The following MAST4 variants were observed in gnomAD, a reference collection of about 807,000 sequenced individuals.
MAST4 encodes microtubule-associated serine/threonine-protein kinase 4.
A neutral mutation model predicts 162.7 loss-of-function variants in MAST4; 89 were observed. That is an observed-to-expected ratio of 0.55 (90% CI 0.46 to 0.65). MAST4 has a LOEUF of 0.65. Among genes scored for constraint, MAST4 ranks in the 30% least tolerant of loss-of-function variants. The pLI, the probability that MAST4 is intolerant of heterozygous loss-of-function variation, is 0.00. For synonymous variants in MAST4, 1,479 were observed against 1,361.1 expected, an observed-to-expected ratio of 1.09 and a Z score of -1.91; for missense variants, 3,153 against 3,374.0, an observed-to-expected ratio of 0.93 and a Z score of 1.62.
intron 1 of MAST4, among the ~76,000 whole-genome samples, chr5:66,616,317 A>C (rs1340442664): frequency 1.3e-5 from 2 of 152,014 alleles, no homozygotes; most frequent in Non-Finnish European, 2.9e-5. Flanking sequence ...AGCAGTTCAG[A>C]GTTGGATTCA....
chr5:66,880,811 TA>T (rs916265511), intron 3 of MAST4, among the ~76,000 whole-genome samples: 2 of 152,154 alleles, frequency 1.3e-5, no homozygotes, highest in Non-Finnish European at 2.9e-5. Context: ...ATACCAAAGG[TA>T]AAAAATATCT....
chr5:67,082,228 A>G (rs1322648929), intron 5 of MAST4, among the ~76,000 whole-genome samples: 1 of 146,808 alleles, frequency 6.8e-6, no homozygotes, highest in African/African-American at 2.5e-5. Context: ...AGCTCACTGC[A>G]ACTTCTGCCC....
chr5:66,922,287 T>C (rs1175557697), intron 4 of MAST4, among the ~76,000 whole-genome samples: 3 of 152,314 alleles, frequency 2.0e-5, no homozygotes, highest in South Asian at 2.1e-4. Flanking sequence ...TTGAGACTGC[T>C]CCATTTATTG....
chr5:66,720,434 A>G (rs558889727), intron 1 of MAST4, among the ~76,000 whole-genome samples: 6 of 152,270 alleles, frequency 3.9e-5, no homozygotes, highest in African/African-American at 1.4e-4. Context: ...TACTTTGTGA[A>G]TCAAATTTTG....
intron 1 of MAST4, among the ~76,000 whole-genome samples, chr5:66,748,040 G>A (rs1213819012): frequency 6.6e-6 from 1 of 152,122 alleles, no homozygotes; most frequent in African/African-American, 2.4e-5. Context: ...GATAGGGTGT[G>A]GGCTTTGCCA....
chr5:66,797,066 T>A (rs1182447843), intron 3 of MAST4, among the ~76,000 whole-genome samples: 2 of 152,244 alleles, frequency 1.3e-5, no homozygotes, highest in African/African-American at 2.4e-5. Flanking sequence ...CGGCCACTGT[T>A]ATGGAAATGC....
chr5:67,107,661 C>T lies in MAST4; in HGVS notation c.1357-2437C>T, dbSNP rs531029117. Reference sequence around the variant, plus strand: ...ACTGTGACATTCTGTGCTCTGTAGGCCTATCTCCTAACCATTTTTCCCATT... The same window carrying T: ...ACTGTGACATTCTGTGCTCTGTAGGTCTATCTCCTAACCATTTTTCCCATT... On this transcript the variant is annotated intron_variant, in intron 10 of 28. Transcript: ENST00000403625. 3.3e-5 allele frequency among the ~76,000 whole-genome samples: 5 copies of T among 152,306 alleles called. No homozygotes were observed. In the South Asian group the frequency reaches 1.0e-3, roughly 32 times the overall value.
At chr5:66,610,052 CAAAG>C (rs1743191410) in intron 1 of MAST4, among the ~76,000 whole-genome samples, 2 of 151,794 alleles carry the variant, frequency 1.3e-5, no homozygotes, top group African/African-American at 2.4e-5. Flanking sequence ...CAGTTTTTGC[CAAAG>C]GGCAAAAACT....
At chr5:66,788,607 C>CCCACCAAAAACAAA in intron 2 of MAST4, 63 bp from the exon 3 acceptor site, 1 of 1,373,728 alleles carries the variant, frequency 7.3e-7, no homozygotes. Flanking sequence ...CCCCCACCCC[C>CCCACCAAAAACAAA]ATTGCAATAA....
intron 1 of MAST4, among the ~76,000 whole-genome samples, chr5:66,689,743 G>T (rs1364650869): frequency 2.6e-5 from 4 of 152,102 alleles, no homozygotes; most frequent in Admixed American, 1.3e-4. Flanking sequence ...CAGCATTTCT[G>T]ATTAAACCAT....
At chr5:66,694,881 C>T (rs1435160438) in intron 1 of MAST4, among the ~76,000 whole-genome samples, 3 of 151,738 alleles carry the variant, frequency 2.0e-5, no homozygotes, top group Non-Finnish European at 4.4e-5. Context: ...CCTTTTTTTT[C>T]TTGTAAATTT....
intron 1 of MAST4, among the ~76,000 whole-genome samples, chr5:66,607,680 A>G (rs965642225): frequency 1.3e-5 from 2 of 152,192 alleles, no homozygotes; most frequent in African/African-American, 4.8e-5. Context: ...GGGGAATCTG[A>G]ACTCCTGCCT....
At chr5:66,768,403 A>AT (rs1754204528) in intron 2 of MAST4, among the ~76,000 whole-genome samples, 1 of 152,198 alleles carries the variant, frequency 6.6e-6, no homozygotes, top group Non-Finnish European at 1.5e-5. Context: ...GAGAAAACAG[A>AT]TGCCAAAGCA....
rs1165601448 is a variant in MAST4 at position 67,110,191 on chromosome 5, G to C, written c.1450G>C (p.Glu484Gln). ...TATTGCCCGCCCTGCTCGGTTATTA[G>C]AGTGCCTGGTAAGTTGCCCCTTGAT... is the stretch of plus-strand genomic sequence containing the variant. The part of the protein sequence containing the change: ...IVIARPARLL[E>Q]CLEFDPEEFY... Residue 484 changes from glutamate (E) to glutamine (Q), a missense_variant, in exon 11 of 29, where the codon GAG (glutamate) becomes CAG (glutamine). By Grantham distance (29) the Glu-to-Gln change is conservative. This residue lies in a region of MAST4 where 360 missense variants were observed against 450.0 expected (regional missense o/e 0.80). Coordinates refer to ENST00000403625, the MANE Select transcript of MAST4 (RefSeq NM_001164664.2). 6.2e-7 allele frequency: 1 copy of C among 1,612,420 alleles called. No homozygotes were observed. Among genetic ancestry groups the C allele is most frequent in the East Asian group, 2.2e-5 (1 of 44,846 alleles).
intron 1 of MAST4, among the ~76,000 whole-genome samples, chr5:66,726,796 G>A (rs62360035): frequency 0.042 from 6,414 of 152,124 alleles, 164 homozygotes; most frequent in Middle Eastern, 0.075. Context: ...TATGAACTGC[G>A]CATACGAGGG....
At chr5:66,752,944 AAACT>A (rs1189935643) in intron 1 of MAST4, among the ~76,000 whole-genome samples, 1 of 151,690 alleles carries the variant, frequency 6.6e-6, no homozygotes, top group Non-Finnish European at 1.5e-5. Context: ...AAATTATAAC[AAACT>A]ATCTCTCAGA....
chr5:66,616,205 C>T (rs979069438), intron 1 of MAST4, among the ~76,000 whole-genome samples: 1 of 152,090 alleles, frequency 6.6e-6, no homozygotes, highest in Non-Finnish European at 1.5e-5. Flanking sequence ...GAAAGAGGTC[C>T]GTCACTTTAT....
intron 4 of MAST4, among the ~76,000 whole-genome samples, chr5:67,018,878 C>T (rs970471049): frequency 1.3e-5 from 2 of 152,034 alleles, no homozygotes; most frequent in Non-Finnish European, 2.9e-5. Flanking sequence ...ATAACATTTA[C>T]ACTAAATTTT....
intron 4 of MAST4, among the ~76,000 whole-genome samples, chr5:67,032,578 G>T (rs907797836): frequency 1.3e-5 from 2 of 151,974 alleles, no homozygotes; most frequent in Non-Finnish European, 2.9e-5. Context: ...TTGGGGGAGG[G>T]CAGAATTATT....
Sources: gnomAD v4.1 joint callset for allele counts (sites outside exome capture counted in the v4.1 genomes callset) on GRCh38, gnomAD v4.1.1 for gene constraint, gnomAD v4.1.1 regional missense constraint, MANE v1.5 for transcripts, NCBI Gene and HGNC (gene_info 2026-07-23, HGNC 2026-07-21) for gene names.